NWD2: variants seen among roughly 807,000 people sequenced by gnomAD.
The protein encoded by NWD2 is NACHT and WD repeat domain containing 2.
A neutral mutation model predicts 132.7 loss-of-function variants in NWD2; 37 were observed. The observed-to-expected ratio is 0.28, with a 90% CI of 0.21 to 0.37. NWD2 has a LOEUF of 0.37. Among genes scored for constraint, NWD2 ranks in the 10% least tolerant of loss-of-function variants. The pLI is 1.00. For synonymous variants in NWD2, 705 were observed against 803.0 expected (o/e 0.88, Z 2.06); for missense variants, 1,592 against 2,122.4 (o/e 0.75, Z 4.91).
intron 1 of NWD2, among the ~76,000 whole-genome samples, chr4:37,282,232 A>C (rs1422875933): frequency 6.6e-6 from 1 of 152,218 alleles, no homozygotes; most frequent in Non-Finnish European, 1.5e-5. Context: ...GACCTTAAGA[A>C]TAGGGTGTGC....
At chr4:37,315,976 T>C (rs1030995119) in intron 1 of NWD2, among the ~76,000 whole-genome samples, 6 of 152,086 alleles carry the variant, frequency 3.9e-5, no homozygotes, top group Non-Finnish European at 7.4e-5. Context: ...TCCTTTGTTT[T>C]ATTATTGTCA....
intron 3 of NWD2, among the ~76,000 whole-genome samples, chr4:37,422,905 G>A (rs1295663280): frequency 6.6e-6 from 1 of 151,792 alleles, no homozygotes; most frequent in East Asian, 1.9e-4. Context: ...GTATCCCTTT[G>A]TCAATATATC....
At chr4:37,263,042 G>A (rs1717676892) in intron 1 of NWD2, among the ~76,000 whole-genome samples, 1 of 152,172 alleles carries the variant, frequency 6.6e-6, no homozygotes, top group African/African-American at 2.4e-5. Flanking sequence ...CTGTCTCAAG[G>A]TAGCTATAGT....
Position 37,404,539 on chromosome 4 carries a change from A to G in NWD2, c.358-26033A>G, listed in dbSNP as rs114435804. ...TCTGTGAGCCCTTACAGACAATACCATGCTTTTTGTTCTTTCACCACTGCT... is the reference window on the plus strand; with the variant it reads ...TCTGTGAGCCCTTACAGACAATACCGTGCTTTTTGTTCTTTCACCACTGCT... On this transcript the variant is annotated intron_variant, in intron 3 of 6. Transcript: ENST00000309447. Among the ~76,000 whole-genome samples the G allele has an allele frequency of 7.3e-3, 1,105 of 152,164 alleles. 16 individuals are homozygous for G. Among genetic ancestry groups the G allele is most frequent in the African/African-American group, 0.025 (1,056 of 41,494 alleles).
At position 37,443,530 on chromosome 4, in the gene NWD2, T is replaced by C. The variant is rs941323274; in HGVS notation, c.1542T>C (p.Asp514=). The change falls in exon 7 of 7, where the codon GAT becomes GAC. Residue 514 remains aspartate, a synonymous_variant. Coordinates refer to ENST00000309447, the MANE Select transcript of NWD2 (RefSeq NM_001144990.2). The surrounding 1 kb of genome is among the most constrained non-coding windows in gnomAD (Gnocchi z 4.1). ...SLQRPLVIIF[D]ALEQLSENDD... ...AGAGACCTCTAGTCATAATATTCGA[T>C]GCACTAGAGCAGCTCTCAGAGAATG... is the stretch of plus-strand genomic sequence containing the variant. The C allele has an allele frequency of 6.4e-7, 1 of 1,551,820 alleles. No homozygotes were observed. Among genetic ancestry groups the C allele is most frequent in the Non-Finnish European group, 8.7e-7 (1 of 1,146,974 alleles).
chr4:37,325,887 C>A, intron 1 of NWD2, 49 bp from the exon 2 acceptor site: 1 of 1,125,258 alleles, frequency 8.9e-7, no homozygotes, highest in Non-Finnish European at 1.3e-6. Flanking sequence ...TTGCCAGAAA[C>A]ATATGTGTGG....
chr4:37,400,881 G>A (rs1177453764), intron 3 of NWD2, among the ~76,000 whole-genome samples: 1 of 152,188 alleles, frequency 6.6e-6, no homozygotes, highest in Non-Finnish European at 1.5e-5. Flanking sequence ...TTACAATAAA[G>A]GAATACCTTT....
intron 1 of NWD2, among the ~76,000 whole-genome samples, chr4:37,311,187 T>G (rs1250284357): frequency 1.3e-5 from 2 of 152,304 alleles, no homozygotes; most frequent in African/African-American, 4.8e-5. Flanking sequence ...TTTCCAGTTC[T>G]AGATCCCTGA....
intron 2 of NWD2, among the ~76,000 whole-genome samples, chr4:37,332,836 C>T (rs1439475050): frequency 1.3e-5 from 2 of 152,156 alleles, no homozygotes; most frequent in Admixed American, 1.3e-4. Context: ...TCTGGACCTG[C>T]CCTGGGATAG....
intron 2 of NWD2, among the ~76,000 whole-genome samples, chr4:37,348,357 C>G (rs1719680780): frequency 1.3e-5 from 2 of 151,948 alleles, no homozygotes; most frequent in African/African-American, 4.8e-5. Context: ...CACGGACAAG[C>G]CACACAAACA....
chr4:37,351,349 A>G (rs530141427), intron 2 of NWD2, among the ~76,000 whole-genome samples: 1 of 152,248 alleles, frequency 6.6e-6, no homozygotes, highest in Non-Finnish European at 1.5e-5. Context: ...TACTGCCTCA[A>G]TTGCAGAACT....
chr4:37,298,538 A>T (rs1350693528), intron 1 of NWD2, among the ~76,000 whole-genome samples: 4 of 152,050 alleles, frequency 2.6e-5, no homozygotes, highest in African/African-American at 7.2e-5. Context: ...ATCTCTACTG[A>T]AGTTGGTAGA....
intron 5 of NWD2, among the ~76,000 whole-genome samples, chr4:37,436,162 C>G (rs1712316366): frequency 6.6e-6 from 1 of 152,112 alleles, no homozygotes; most frequent in Admixed American, 6.6e-5. Flanking sequence ...GTTACCAGGA[C>G]TGGAAACCTA....
chr4:37,408,552 C>T (rs1721091491), intron 3 of NWD2, among the ~76,000 whole-genome samples: 1 of 152,212 alleles, frequency 6.6e-6, no homozygotes, highest in Admixed American at 6.5e-5. Flanking sequence ...ATAAAACCCC[C>T]ATCTCAATGG....
intron 2 of NWD2, among the ~76,000 whole-genome samples, chr4:37,339,622 A>G (rs540013836): frequency 6.6e-6 from 1 of 152,314 alleles, no homozygotes; most frequent in African/African-American, 2.4e-5. Context: ...GTCCCCATTG[A>G]GTACAGTCAC....
At chr4:37,281,758 C>G (rs1261161334) in intron 1 of NWD2, among the ~76,000 whole-genome samples, 1 of 151,990 alleles carries the variant, frequency 6.6e-6, no homozygotes, top group African/African-American at 2.4e-5. Context: ...ATGGTGAGAT[C>G]AATATAAAGA....
At chr4:37,357,886 G>T (rs1349529044) in intron 3 of NWD2, among the ~76,000 whole-genome samples, 1 of 152,094 alleles carries the variant, frequency 6.6e-6, no homozygotes, top group Non-Finnish European at 1.5e-5. Context: ...GGAAAGAGGG[G>T]CAGGAAAGAA....
chr4:37,283,683 T>G (rs577490247), intron 1 of NWD2, among the ~76,000 whole-genome samples: 2 of 152,268 alleles, frequency 1.3e-5, no homozygotes, highest in South Asian at 4.2e-4. Context: ...ACATAGAAAT[T>G]TATATGTAGT....
intron 1 of NWD2, among the ~76,000 whole-genome samples, chr4:37,300,044 C>A (rs1718581575): frequency 6.6e-6 from 1 of 152,106 alleles, no homozygotes; most frequent in African/African-American, 2.4e-5. Context: ...GCTGCTATGT[C>A]TTCTAGAAGA....
Sources: allele counts gnomAD v4.1 joint callset (sites outside exome capture counted in the v4.1 genomes callset), GRCh38; gene constraint gnomAD v4.1.1; non-coding constraint Gnocchi (gnomAD v3.1); transcripts MANE v1.5; gene names NCBI Gene and HGNC (gene_info 2026-07-23, HGNC 2026-07-21).